Variants in THADA observed in about 807,000 individuals in gnomAD.
The protein encoded by THADA is tRNA (32-2'-O)-methyltransferase regulator THADA.
THADA carries 213 observed loss-of-function variants against 219.8 expected under a neutral mutation model. The ratio of observed to expected loss-of-function variants is 0.97; its 90% CI spans 0.87 to 1.09. The LOEUF is 1.09. Ranked by LOEUF, THADA falls within the 50% of genes least tolerant of loss-of-function variation. The pLI is 0.00. For missense variants in THADA, 2,956 were observed against 2,311.3 expected (o/e 1.28, Z -5.72); for synonymous variants, 1,018 against 828.9 (o/e 1.23, Z -3.92).
chr2:43,499,000 C>G, intron 24 of THADA, 45 bp from the exon 25 acceptor site: 1 of 1,540,720 alleles, frequency 6.5e-7, no homozygotes, highest in Middle Eastern at 1.7e-4. Context: ...AAAACCATGG[C>G]TAATTCTAAA....
intron 22 of THADA, among the ~76,000 whole-genome samples, chr2:43,527,436 G>A (rs562954066): frequency 6.6e-6 from 1 of 152,126 alleles, no homozygotes; most frequent in South Asian, 2.1e-4. Flanking sequence ...CTACTTTTCA[G>A]TCTACTTACT....
intron 4 of THADA, among the ~76,000 whole-genome samples, chr2:43,587,283 C>T (rs532059868): frequency 1.6e-4 from 25 of 152,302 alleles, no homozygotes; most frequent in African/African-American, 6.0e-4. Context: ...CTAAAACCTC[C>T]AACAATATCC....
intron 36 of THADA, among the ~76,000 whole-genome samples, chr2:43,257,527 C>T (rs1202321498): frequency 1.3e-5 from 2 of 152,220 alleles, no homozygotes; most frequent in African/African-American, 4.8e-5. Flanking sequence ...GTGATGTCTC[C>T]CTTCACTCGA....
intron 29 of THADA, among the ~76,000 whole-genome samples, chr2:43,346,285 A>G (rs573516737): frequency 1.4e-4 from 21 of 152,228 alleles, no homozygotes; most frequent in African/African-American, 4.6e-4. Flanking sequence ...TGAATACACA[A>G]CTAACCTCAT....
chr2:43,569,850 C>T (rs1443640795), intron 14 of THADA, among the ~76,000 whole-genome samples: 3 of 152,146 alleles, frequency 2.0e-5, no homozygotes, highest in Non-Finnish European at 4.4e-5. Flanking sequence ...TCAAGCTAAG[C>T]CCTGGCCCAG....
intron 36 of THADA, among the ~76,000 whole-genome samples, chr2:43,250,080 C>A (rs1669659117): frequency 1.3e-5 from 2 of 152,038 alleles, no homozygotes; most frequent in South Asian, 4.1e-4. Context: ...AAAGCAGTAC[C>A]CAAATAAAAG....
At chr2:43,310,219 C>CCCT (rs1553382735) in intron 31 of THADA, among the ~76,000 whole-genome samples, 2 of 87,032 alleles carry the variant, frequency 2.3e-5, no homozygotes, top group African/African-American at 1.1e-4. Context: ...CCCTCCCTCC[C>CCCT]TTTCCCGCCC....
chr2:43,278,388 C>T (rs970101613), intron 36 of THADA, among the ~76,000 whole-genome samples: 1 of 152,200 alleles, frequency 6.6e-6, no homozygotes, highest in Admixed American at 6.5e-5. Flanking sequence ...GAAAATCAAG[C>T]TGGGCTGGGT....
intron 22 of THADA, among the ~76,000 whole-genome samples, chr2:43,514,188 G>C (rs913764848): frequency 6.6e-6 from 1 of 151,770 alleles, no homozygotes; most frequent in Non-Finnish European, 1.5e-5. Context: ...GGTGGCTCAC[G>C]CCTGTAATCC....
At chr2:43,351,918 A>G (rs1668312674) in intron 29 of THADA, among the ~76,000 whole-genome samples, 2 of 152,238 alleles carry the variant, frequency 1.3e-5, no homozygotes, top group Admixed American at 1.3e-4. Context: ...GGCCCCCAAC[A>G]AGGGCCCCCA....
At chr2:43,566,954 G>C (rs1320861119) in intron 14 of THADA, 133 bp from the exon 15 acceptor site, 3 of 625,508 alleles carry the variant, frequency 4.8e-6, no homozygotes, top group Non-Finnish European at 7.3e-6. Context: ...AAATGATACT[G>C]GTTGTTCACT....
intron 22 of THADA, among the ~76,000 whole-genome samples, chr2:43,521,936 C>A (rs1692546216): frequency 6.6e-6 from 1 of 152,188 alleles, no homozygotes; most frequent in South Asian, 2.1e-4. Context: ...TAGCACAGAG[C>A]TATTTTTAAC....
chr2:43,580,208 T>G (rs929421712), intron 8 of THADA, among the ~76,000 whole-genome samples: 1 of 151,744 alleles, frequency 6.6e-6, no homozygotes, highest in Non-Finnish European at 1.5e-5. Context: ...TTTTTGTATT[T>G]TAGTTTTTTA....
intron 24 of THADA, among the ~76,000 whole-genome samples, chr2:43,501,578 G>A (rs1193016195): frequency 6.6e-6 from 1 of 152,068 alleles, no homozygotes; most frequent in Non-Finnish European, 1.5e-5. Flanking sequence ...AGGTCATTCT[G>A]AAGGGAAAAC....
At chr2:43,551,747 A>C in intron 19 of THADA, 42 bp downstream of exon 19, 1 of 1,570,944 alleles carries the variant, frequency 6.4e-7, no homozygotes. Flanking sequence ...AGACATAATA[A>C]TCAAACCACA....
intron 29 of THADA, among the ~76,000 whole-genome samples, chr2:43,361,268 T>C (rs1205774098): frequency 1.3e-5 from 2 of 152,220 alleles, no homozygotes; most frequent in Non-Finnish European, 2.9e-5. Context: ...GAGTCCTAAG[T>C]TCCTCATCTA....
intron 31 of THADA, among the ~76,000 whole-genome samples, chr2:43,315,784 G>C (rs947935455): frequency 1.3e-5 from 2 of 152,210 alleles, no homozygotes; most frequent in Admixed American, 1.3e-4. Flanking sequence ...TTATTTTGGA[G>C]TGACACTAGG....
intron 26 of THADA, among the ~76,000 whole-genome samples, chr2:43,470,516 T>A (rs544994113): frequency 1.3e-5 from 2 of 152,070 alleles, no homozygotes; most frequent in East Asian, 3.8e-4. Flanking sequence ...CATAACTACA[T>A]GAAAAATGCC....
chr2:43,262,619 A>G (rs1426921212), intron 36 of THADA, among the ~76,000 whole-genome samples: 1 of 152,260 alleles, frequency 6.6e-6, no homozygotes, highest in African/African-American at 2.4e-5. Flanking sequence ...TTAAAAAGAA[A>G]ACTCAATCTA....
Sources: allele counts gnomAD v4.1 joint callset (sites outside exome capture counted in the v4.1 genomes callset), GRCh38; gene constraint gnomAD v4.1.1; transcripts MANE v1.5; gene names NCBI Gene and HGNC (gene_info 2026-07-23, HGNC 2026-07-21).